ANXA8: variants seen among roughly 807,000 people sequenced by gnomAD.
ANXA8 encodes the protein VAC-beta.
A neutral mutation model predicts 26.8 loss-of-function variants in ANXA8; 9 were observed. The ratio of observed to expected loss-of-function variants is 0.34; its 90% confidence interval spans 0.20 to 0.59. The LOEUF is 0.59. Ranked by LOEUF, ANXA8 falls within the 20% of genes least tolerant of loss-of-function variation. ANXA8 has a pLI of 0.84. For missense variants in ANXA8, 83 were observed against 238.5 expected, an observed-to-expected ratio of 0.35 and a Z score of 4.29; for synonymous variants, 39 against 94.8, an observed-to-expected ratio of 0.41 and a Z score of 3.42.
chr10:47,514,051 C>T, the ANXA8 span, among the ~76,000 whole-genome samples: 1 of 141,716 alleles, frequency 7.1e-6, no homozygotes. Context: ...TAAAGAGCTT[C>T]TGCACAGGAA....
Position 47,468,833 on chromosome 10 carries a change from T to G in ANXA8, c.*14A>C. Reference sequence around the variant, plus strand: ...ACTCTGGCTTCATGGTCTTTGCTCTTGTTCTTCTGTGCCTCAGGGGTCGCT... The same window carrying G: ...ACTCTGGCTTCATGGTCTTTGCTCTGGTTCTTCTGTGCCTCAGGGGTCGCT... On this transcript the variant is annotated 3_prime_UTR_variant, in exon 12 of 12. Coordinates refer to ENST00000585281, the MANE Select transcript of ANXA8 (RefSeq NM_001040084.3). The G allele has an allele frequency of 6.2e-7, 1 of 1,610,002 alleles. No individual in the cohort carries two copies.
At chr10:47,981,903 T>C in the ANXA8 span, among the ~76,000 whole-genome samples, 3 of 152,110 alleles carry the variant, frequency 2.0e-5, no homozygotes, top group Non-Finnish European at 1.5e-5. Context: ...AAAGATTGTG[T>C]GCCTTTTTCT....
At chr10:47,516,801 A>C in the ANXA8 span, among the ~76,000 whole-genome samples, 4 of 130,866 alleles carry the variant, frequency 3.1e-5, 1 homozygote. Context: ...GGGGAAAAAC[A>C]GCTATTAGAA....
chr10:47,483,958 C>G lies in ANXA8; in HGVS notation c.-25G>C, dbSNP rs1284900414. 1.6e-5 allele frequency: 25 copies of G among 1,611,582 alleles called. No individual in the cohort carries two copies. Among genetic ancestry groups the G allele is most frequent in the African/African-American group, 2.7e-5 (2 of 74,616 alleles). On this transcript the variant is annotated 5_prime_UTR_variant, in exon 1 of 12. Coordinates refer to ENST00000585281, the MANE Select transcript of ANXA8 (RefSeq NM_001040084.3). ...TCTCTTTCACCTCGGGGGCACCTTT[C>G]CCAGGGAGATGAAGAGACACAGGTT...
chr10:47,929,281 TCTC>T, the ANXA8 span, among the ~76,000 whole-genome samples: 8 of 75,792 alleles, frequency 1.1e-4, no homozygotes, highest in Non-Finnish European at 5.1e-5. Flanking sequence ...GTCACTCCCT[TCTC>T]CTTGAGACTC....
chr10:47,975,983 T>C, the ANXA8 span, among the ~76,000 whole-genome samples: 686 of 133,744 alleles, frequency 5.1e-3, no homozygotes, highest in African/African-American at 0.015. Flanking sequence ...ATTTTCTGAC[T>C]GAAGGGTAAA....
At chr10:47,724,028 T>C in the ANXA8 span, among the ~76,000 whole-genome samples, 1 of 133,226 alleles carries the variant, frequency 7.5e-6, no homozygotes, top group African/African-American at 2.8e-5. Flanking sequence ...CACAAATTCA[T>C]CCACTTTTTT....
the ANXA8 span, among the ~76,000 whole-genome samples, chr10:47,525,845 C>T: frequency 1.7e-5 from 2 of 117,500 alleles, no homozygotes; most frequent in African/African-American, 3.3e-5. Flanking sequence ...GTTCTTGTTG[C>T]CCAGGCTGGA....
the ANXA8 span, among the ~76,000 whole-genome samples, chr10:47,668,154 A>T: frequency 1.3e-5 from 2 of 150,142 alleles, no homozygotes; most frequent in Non-Finnish European, 2.9e-5. Context: ...CATTGCATAG[A>T]TGCTGAATTA....
the ANXA8 span, among the ~76,000 whole-genome samples, chr10:47,960,039 T>A: frequency 6.7e-6 from 1 of 148,194 alleles, no homozygotes; most frequent in Non-Finnish European, 1.5e-5. Context: ...TTTGGATGAC[T>A]CAGACGCCAT....
At chr10:47,596,755 G>T in the ANXA8 span, among the ~76,000 whole-genome samples, 1 of 147,608 alleles carries the variant, frequency 6.8e-6, no homozygotes, top group African/African-American at 2.6e-5. Context: ...GACCAACAAT[G>T]AATTACAGAA....
the ANXA8 span, chr10:47,502,636 A>T: frequency 6.2e-7 from 1 of 1,607,564 alleles, no homozygotes; most frequent in East Asian, 2.3e-5. Context: ...TTCAATACAC[A>T]TGAGGACTCC....
At chr10:47,469,137 G>T (rs1480710808) in intron 11 of ANXA8, among the ~76,000 whole-genome samples, 1 of 148,432 alleles carries the variant, frequency 6.7e-6, no homozygotes, top group Non-Finnish European at 1.5e-5. Flanking sequence ...CAGGATTGAT[G>T]TGGAAAATGA....
the ANXA8 span, among the ~76,000 whole-genome samples, chr10:47,741,886 G>C: frequency 8.0e-6 from 1 of 124,350 alleles, no homozygotes; most frequent in Admixed American, 8.9e-5. Context: ...TGTTGCCCAG[G>C]CTGGAGTGCA....
chr10:47,534,785 G>T, the ANXA8 span, among the ~76,000 whole-genome samples: 1 of 91,244 alleles, frequency 1.1e-5, no homozygotes, highest in Non-Finnish European at 2.1e-5. Flanking sequence ...CTCCTGAGTA[G>T]CTGGGATTAC....
chr10:47,488,846 G>C (rs1840093854), upstream of ANXA8, among the ~76,000 whole-genome samples: 2 of 138,994 alleles, frequency 1.4e-5, 1 homozygote, highest in South Asian at 4.9e-4. Context: ...TCCTGCCTCA[G>C]CCTCCCGAGT....
the ANXA8 span, among the ~76,000 whole-genome samples, chr10:47,673,226 G>A: frequency 1.3e-5 from 2 of 151,686 alleles, no homozygotes; most frequent in Admixed American, 6.6e-5. Context: ...AAAAGCCTGG[G>A]CCAGTGACGA....
chr10:47,724,534 C>T, the ANXA8 span, among the ~76,000 whole-genome samples: 1 of 141,684 alleles, frequency 7.1e-6, no homozygotes, highest in African/African-American at 2.6e-5. Flanking sequence ...CTCCACAAGG[C>T]TGGTTTCTTC....
At chr10:47,683,062 T>G in the ANXA8 span, among the ~76,000 whole-genome samples, 1 of 152,098 alleles carries the variant, frequency 6.6e-6, no homozygotes, top group East Asian at 1.9e-4. Context: ...CAGGTTGGCT[T>G]TAGTGGCTAT....
Sources: allele counts gnomAD v4.1 joint callset (sites outside exome capture counted in the v4.1 genomes callset), GRCh38; gene constraint gnomAD v4.1.1; transcripts MANE v1.5; gene names NCBI Gene and HGNC (gene_info 2026-07-23, HGNC 2026-07-21).